Variants in PDSS2 observed in about 807,000 individuals in gnomAD.
PDSS2 encodes the protein decaprenyl diphosphate synthase subunit 2.
Under a neutral mutation model 44.5 loss-of-function variants are expected in PDSS2, and 31 were observed. That is an observed-to-expected ratio of 0.70 (90% CI 0.52 to 0.94). The LOEUF is 0.94. PDSS2 is among the 40% of genes least tolerant of loss of function. The probability of loss-of-function intolerance (pLI) is 0.00; values close to 1 mark genes in which losing one functional copy is unlikely to be tolerated. For synonymous variants in PDSS2, 157 were observed against 180.3 expected (o/e 0.87, Z 1.03); for missense variants, 452 against 482.2 (o/e 0.94, Z 0.59).
At chr6:107,182,416 C>T in intron 7 of PDSS2, among the ~76,000 whole-genome samples, 1 of 152,212 alleles carries the variant, frequency 6.6e-6, no homozygotes, top group Admixed American at 6.5e-5. Flanking sequence ...CCTCTGCCTC[C>T]TGGGTTCAGG....
chr6:107,411,879 CT>C (rs145161415), intron 1 of PDSS2, among the ~76,000 whole-genome samples: 1,884 of 93,748 alleles, frequency 0.02, 26 homozygotes, highest in Admixed American at 0.11. Context: ...TCTTCTTCTT[CT>C]TTTTTTTTTT....
At chr6:107,430,254 C>T (rs1052613358) in intron 1 of PDSS2, among the ~76,000 whole-genome samples, 7 of 152,092 alleles carry the variant, frequency 4.6e-5, no homozygotes, top group African/African-American at 1.7e-4. Flanking sequence ...AATCCCAACA[C>T]TTTGGGAGGC....
intron 1 of PDSS2, among the ~76,000 whole-genome samples, chr6:107,439,516 C>T (rs1781454012): frequency 6.6e-6 from 1 of 152,172 alleles, no homozygotes; most frequent in African/African-American, 2.4e-5. Context: ...ATGAGAAGTG[C>T]CCTATGACCA....
chr6:107,338,653 T>C (rs2500570), intron 1 of PDSS2, among the ~76,000 whole-genome samples: 87,084 of 151,792 alleles, frequency 0.57, 25,697 homozygotes, highest in Middle Eastern at 0.72. Flanking sequence ...AAAGGATGAG[T>C]GAGAGGGAAG....
intron 2 of PDSS2, among the ~76,000 whole-genome samples, chr6:107,312,977 G>C (rs1271653644): frequency 6.6e-6 from 1 of 152,136 alleles, no homozygotes. Flanking sequence ...GAAAGCTATG[G>C]GTAGGCGAGT....
At chr6:107,223,905 G>A (rs1773699802) in intron 4 of PDSS2, among the ~76,000 whole-genome samples, 1 of 151,218 alleles carries the variant, frequency 6.6e-6, no homozygotes, top group African/African-American at 2.5e-5. Context: ...TTAGGAACTG[G>A]GCTGCACAGC....
intron 4 of PDSS2, among the ~76,000 whole-genome samples, chr6:107,217,446 G>A (rs1252787585): frequency 6.6e-6 from 1 of 151,862 alleles, no homozygotes; most frequent in African/African-American, 2.4e-5. Context: ...CATGAGCCAA[G>A]GAATAAACAT....
chr6:107,267,557 T>C (rs1448974275), intron 3 of PDSS2, among the ~76,000 whole-genome samples: 1 of 150,888 alleles, frequency 6.6e-6, no homozygotes, highest in East Asian at 1.9e-4. Flanking sequence ...TGAAATAAAA[T>C]AGAATTGGAG....
At chr6:107,271,868 A>G (rs929124271) in intron 3 of PDSS2, among the ~76,000 whole-genome samples, 10 of 152,194 alleles carry the variant, frequency 6.6e-5, no homozygotes, top group African/African-American at 1.9e-4. Context: ...CAGCCTGGGC[A>G]ACATGGCGAA....
intron 1 of PDSS2, among the ~76,000 whole-genome samples, chr6:107,415,150 A>T (rs1162115558): frequency 2.0e-5 from 3 of 151,952 alleles, no homozygotes; most frequent in East Asian, 1.9e-4. Context: ...GGTTAAAAAA[A>T]ATTTTTTTTT....
intron 4 of PDSS2, among the ~76,000 whole-genome samples, chr6:107,231,872 G>A (rs1034021919): frequency 6.6e-6 from 1 of 151,642 alleles, no homozygotes; most frequent in Non-Finnish European, 1.5e-5. Flanking sequence ...TGAGGTATGA[G>A]CATCGCTTGA....
chr6:107,324,170 A>G (rs1562462373), intron 2 of PDSS2, among the ~76,000 whole-genome samples: 1 of 152,192 alleles, frequency 6.6e-6, no homozygotes, highest in Non-Finnish European at 1.5e-5. Context: ...GAAAATAAGT[A>G]CTGGTTGTAA....
At chr6:107,273,923 A>G (rs552937245) in intron 3 of PDSS2, 106 bp downstream of exon 3, 4 of 808,614 alleles carry the variant, frequency 4.9e-6, no homozygotes, top group East Asian at 4.9e-5. Context: ...CTGAGCATGT[A>G]CATGAGGGGA....
chr6:107,169,270 C>G (rs7767156), intron 7 of PDSS2, among the ~76,000 whole-genome samples: 1 of 152,078 alleles, frequency 6.6e-6, no homozygotes, highest in Non-Finnish European at 1.5e-5. Context: ...TTGATCGAGT[C>G]GGCTACTGAA....
intron 1 of PDSS2, among the ~76,000 whole-genome samples, chr6:107,364,452 G>A (rs568153159): frequency 2.0e-5 from 3 of 152,226 alleles, no homozygotes; most frequent in Admixed American, 1.3e-4. Flanking sequence ...GCACTGCTGG[G>A]GGACTCAGTA....
intron 1 of PDSS2, among the ~76,000 whole-genome samples, chr6:107,367,690 G>A (rs952089590): frequency 1.3e-5 from 2 of 151,686 alleles, no homozygotes; most frequent in African/African-American, 4.8e-5. Context: ...GGAGGCTGAA[G>A]CAGAAGAATC....
chr6:107,264,584 T>C (rs1775351961), intron 3 of PDSS2: 1 of 956,998 alleles, frequency 1.0e-6, no homozygotes, highest in Non-Finnish European at 1.6e-6. Flanking sequence ...ATATGTAAAG[T>C]AAAAGACTTT....
chr6:107,347,887 C>T (rs912882116), intron 1 of PDSS2, among the ~76,000 whole-genome samples: 1 of 152,014 alleles, frequency 6.6e-6, no homozygotes, highest in African/African-American at 2.4e-5. Flanking sequence ...GAGTAAAGGA[C>T]AACACTATAG....
Position 107,320,079 on chromosome 6 carries a change from C to T in PDSS2, c.431+14119G>A, listed in dbSNP as rs149969004. ...CACTCGCCTTCATTGGGAACACAGT[C>T]GTTTGCATGGCATAATAAGCTGTAA... On this transcript the variant is annotated intron_variant, in intron 2 of 7. Transcript: ENST00000369037. Among the ~76,000 whole-genome samples, 9 of 152,276 alleles carry T rather than the reference C, an allele frequency of 5.9e-5. No individual in the cohort carries two copies. The East Asian group carries it at 1.7e-3, about 29-fold the overall frequency.
Sources: allele counts gnomAD v4.1 joint callset (sites outside exome capture counted in the v4.1 genomes callset), GRCh38; gene constraint gnomAD v4.1.1; transcripts MANE v1.5; gene names NCBI Gene and HGNC (gene_info 2026-07-23, HGNC 2026-07-21).